Variants in LSP1 observed in about 807,000 individuals in gnomAD.
LSP1 encodes the protein lymphocyte-specific protein 1.
Under a neutral mutation model 49.3 loss-of-function variants are expected in LSP1, and 32 were observed. The ratio of observed to expected loss-of-function variants is 0.65; its 90% confidence interval spans 0.49 to 0.87. The LOEUF is 0.87. Ranked by LOEUF, LSP1 falls within the 40% of genes least tolerant of loss-of-function variation. The pLI is 0.00. For synonymous variants in LSP1, 179 were observed against 178.8 expected (o/e 1.00, Z -0.01); for missense variants, 428 against 442.6 (o/e 0.97, Z 0.30).
At position 1,884,199 on chromosome 11, in the gene LSP1, A is replaced by G; in HGVS notation, c.592-81A>G. On this transcript the variant is annotated intron_variant, in intron 5 of 10. Coordinates refer to ENST00000311604, the MANE Select transcript of LSP1 (RefSeq NM_002339.3). The surrounding 1 kb of genome is among the most constrained non-coding windows in gnomAD (Gnocchi z 4.1). ...TGATATAAGGGTTGGGGGTTGGATT[A>G]GTGGTTGGAGTAGCTGGGGAGATGG... 6.5e-7 allele frequency: 1 copy of G among 1,536,880 alleles called. No homozygotes were observed. The highest frequency in any genetic ancestry group is 2.2e-5 in the East Asian group (1 of 44,462).
Position 1,881,468 on chromosome 11 carries a change from T to A in LSP1, c.228T>A (p.Asp76Glu). The change falls in exon 3 of 11, where the codon GAT becomes GAA. Residue 76 changes from aspartate (D) to glutamate (E), a missense_variant. Transcript: ENST00000311604. ...AGCCCTCGGAGGCCCCTGAACTGGA[T>A]GAGGACGAGGGCTTTGGCGACTGGT... ...SLKPSEAPEL[D>E]EDEGFGDWSQ... 1 of 1,581,228 alleles carries A rather than the reference T, an allele frequency of 6.3e-7. No individual in the cohort carries two copies. Among genetic ancestry groups the A allele is most frequent in the Non-Finnish European group, 8.6e-7 (1 of 1,163,076 alleles).
At chr11:1,866,770 C>A in intron 1 of LSP1, 1 of 1,550,492 alleles carries the variant, frequency 6.4e-7, no homozygotes, top group South Asian at 1.2e-5. Context: ...TGCTACTTAA[C>A]AAATGGGCCC....
chr11:1,854,467 T>A (rs1392061285), intron 1 of LSP1, among the ~76,000 whole-genome samples: 1 of 152,170 alleles, frequency 6.6e-6, no homozygotes, highest in Non-Finnish European at 1.5e-5. Context: ...CACTGTCCTG[T>A]GTCTGTGTCC....
intron 10 of LSP1, chr11:1,890,384 G>A (rs1161148185): frequency 8.4e-6 from 6 of 716,836 alleles, no homozygotes; most frequent in Non-Finnish European, 1.6e-5. Context: ...CACTCACGGG[G>A]GACAGGGAGG....
intron 2 of LSP1, chr11:1,881,069 C>T: frequency 4.7e-6 from 1 of 211,072 alleles, no homozygotes. Flanking sequence ...CCTCAGGGAG[C>T]CCTACACTGA....
Position 1,889,407 on chromosome 11 carries a change from G to C in LSP1, c.*13+1831G>C. On this transcript the variant is annotated intron_variant, in intron 10 of 10. Coordinates refer to ENST00000311604, the MANE Select transcript of LSP1 (RefSeq NM_002339.3). Reference sequence around the variant, plus strand: ...CCACATCCTGGAGGTCCGGGAGGCGGGGGCCCGGGGTGCGGTGAGGGCGGG... The same window carrying C: ...CCACATCCTGGAGGTCCGGGAGGCGCGGGCCCGGGGTGCGGTGAGGGCGGG... 10 of 685,536 alleles carry C rather than the reference G, an allele frequency of 1.5e-5. No individual in the cohort carries two copies. In the East Asian group the frequency reaches 1.9e-4, roughly 13 times the overall value. The allele number at this position is 685,536 out of a possible 1,614,324, so 42.5% of individuals were successfully genotyped here. A position where few individuals can be genotyped will look rare whatever the true frequency, so the allele number is the denominator to read the frequency against.
At position 1,890,858 on chromosome 11, in the gene LSP1, G is replaced by T. The variant is rs528723188; in HGVS notation, c.*14-915G>T. 7 of 498,308 alleles carry T rather than the reference G, an allele frequency of 1.4e-5. No homozygotes were observed. The East Asian group carries it at 1.9e-4, about 14-fold the overall frequency. The allele number at this position is 498,308 out of a possible 1,614,324, so 30.9% of individuals were successfully genotyped here. On this transcript the variant is annotated intron_variant, in intron 10 of 10. Coordinates refer to ENST00000311604, the MANE Select transcript of LSP1 (RefSeq NM_002339.3). Reference sequence around the variant, plus strand: ...GATGGGGCTAGAACCTGCCTCCAGGGCTCTGTCCTCCATGCCACCCCAGCA... The same window carrying T: ...GATGGGGCTAGAACCTGCCTCCAGGTCTCTGTCCTCCATGCCACCCCAGCA...
At chr11:1,876,816 G>A (rs1848329574) in intron 1 of LSP1, among the ~76,000 whole-genome samples, 1 of 152,240 alleles carries the variant, frequency 6.6e-6, no homozygotes, top group South Asian at 2.1e-4. Flanking sequence ...CCTGAGCTTG[G>A]GGAGCTCCAC....
intron 8 of LSP1, 104 bp from the exon 9 acceptor site, chr11:1,887,133 G>T: frequency 8.7e-7 from 1 of 1,149,032 alleles, no homozygotes; most frequent in Non-Finnish European, 1.2e-6. Context: ...GCAGATCCCA[G>T]GCCCCCTGGC....
Position 1,886,751 on chromosome 11 carries a change from A to G in LSP1, c.737A>G (p.Lys246Arg), listed in dbSNP as rs751527292. Reference protein sequence around the residue: ...QAIETAGRTPKLARQASIELP... With the variant: ...QAIETAGRTPRLARQASIELP... ...CTGCAGACCGCTGGCCGGACCCCCAAGCTAGCCCGCCAGGCCTCCATAGAG... is the reference window on the plus strand; with the variant it reads ...CTGCAGACCGCTGGCCGGACCCCCAGGCTAGCCCGCCAGGCCTCCATAGAG... Residue 246 changes from lysine to arginine, a missense_variant, in exon 8 of 11, where the codon AAG (lysine) becomes AGG (arginine). Physicochemically the swap from Lys to Arg is conservative, Grantham distance 26. Transcript: ENST00000311604. The G allele has an allele frequency of 7.4e-6, 12 of 1,610,828 alleles. No individual in the cohort carries two copies. The highest frequency in any genetic ancestry group is 2.3e-4 in the Middle Eastern group (1 of 4,424).
Position 1,853,100 on chromosome 11 carries a change from C to G in LSP1, c.-45C>G. 1 of 1,591,062 alleles carries G rather than the reference C, an allele frequency of 6.3e-7. No individual in the cohort carries two copies. The highest frequency in any genetic ancestry group is 8.6e-7 in the Non-Finnish European group (1 of 1,169,506). ...CTGAAAGCCACAGCACGTACACCCA[C>G]TCCAGGGATCTGCCAGCACCCTGTG... On this transcript the variant is annotated 5_prime_UTR_variant, in exon 1 of 11. Transcript: ENST00000311604.
intron 10 of LSP1, chr11:1,890,698 C>A: frequency 1.6e-6 from 1 of 614,148 alleles, no homozygotes; most frequent in South Asian, 1.9e-5. Flanking sequence ...GGTGTGGAGG[C>A]CTGAGTATTC....
At chr11:1,871,972 G>A (rs535256199) in intron 1 of LSP1, among the ~76,000 whole-genome samples, 18 of 148,828 alleles carry the variant, frequency 1.2e-4, no homozygotes, top group Non-Finnish European at 2.4e-4. Flanking sequence ...CCTGGCGCAC[G>A]CTGGTAGAGT....
At chr11:1,856,465 G>C (rs1348323927) in intron 1 of LSP1, among the ~76,000 whole-genome samples, 1 of 152,244 alleles carries the variant, frequency 6.6e-6, no homozygotes, top group Non-Finnish European at 1.5e-5. Flanking sequence ...AGCCCGCGGT[G>C]GGAGGCCGCT....
At chr11:1,890,204 C>T in intron 10 of LSP1, 1 of 716,790 alleles carries the variant, frequency 1.4e-6, no homozygotes. Context: ...TGGACTTCTG[C>T]AGGGGTGATG....
At chr11:1,890,765 G>A (rs1339145592) in intron 10 of LSP1, 8 of 598,652 alleles carry the variant, frequency 1.3e-5, no homozygotes, top group African/African-American at 1.9e-5. Context: ...TGTGCCTTGG[G>A]GACTTTGGGG....
At chr11:1,870,361 T>C in intron 1 of LSP1, 2 of 1,265,962 alleles carry the variant, frequency 1.6e-6, no homozygotes, top group Non-Finnish European at 2.1e-6. Flanking sequence ...GGGAGTCTCC[T>C]GGGAAAGAAG....
chr11:1,870,492 C>T (rs686722), intron 1 of LSP1: 416,712 of 1,194,238 alleles, frequency 0.35, 76,002 homozygotes, highest in East Asian at 0.65. Flanking sequence ...GTGGCCAGGC[C>T]GGGCACCCCA....
At chr11:1,874,516 C>A (rs1024976585) in intron 1 of LSP1, among the ~76,000 whole-genome samples, 2 of 152,038 alleles carry the variant, frequency 1.3e-5, no homozygotes, top group Non-Finnish European at 2.9e-5. Context: ...GGCCCGGCAC[C>A]CAGGCCAGGG....
Sources: allele counts gnomAD v4.1 joint callset (sites outside exome capture counted in the v4.1 genomes callset), GRCh38; gene constraint gnomAD v4.1.1; non-coding constraint Gnocchi (gnomAD v3.1); transcripts MANE v1.5; gene names NCBI Gene and HGNC (gene_info 2026-07-23, HGNC 2026-07-21).